The following HSPBAP1 variants were observed in gnomAD, a reference collection of about 807,000 sequenced individuals.
HSPBAP1 encodes the protein HSPB1-associated protein 1.
HSPBAP1 carries 27 observed loss-of-function variants against 45.2 expected under a neutral mutation model. The ratio of observed to expected loss-of-function variants is 0.60; its 90% CI spans 0.44 to 0.82. The LOEUF (loss-of-function observed/expected upper bound fraction) is 0.82, where lower values mean the gene tolerates loss of function less well. Ranked by LOEUF, HSPBAP1 falls within the 40% of genes least tolerant of loss-of-function variation. The pLI is 0.00. For synonymous variants in HSPBAP1, 204 were observed against 202.7 expected, an observed-to-expected ratio of 1.01 and a Z score of -0.06; for missense variants, 510 against 590.9, an observed-to-expected ratio of 0.86 and a Z score of 1.42.
intron 6 of HSPBAP1, among the ~76,000 whole-genome samples, chr3:122,752,160 C>T (rs1934172756): frequency 6.6e-6 from 1 of 152,190 alleles, no homozygotes; most frequent in Non-Finnish European, 1.5e-5. Context: ...AAAGACTCCG[C>T]TTTGAGAATA....
rs1300435563 is a variant in HSPBAP1, at chr3:122,777,924, T to C, written c.65-18A>G. The C allele has an allele frequency of 6.3e-7, 1 of 1,577,280 alleles. No homozygotes were observed. The highest frequency in any genetic ancestry group is 8.7e-7 in the Non-Finnish European group (1 of 1,148,308). Reference sequence around the variant, plus strand: ...ATGTTCACCTAGAAAGAGAAATGAATACAGCAATAGATAGAAAACTATCAA... The same window carrying C: ...ATGTTCACCTAGAAAGAGAAATGAACACAGCAATAGATAGAAAACTATCAA... On this transcript the variant is annotated intron_variant, in intron 1 of 7. Transcript: ENST00000306103.
intron 6 of HSPBAP1, among the ~76,000 whole-genome samples, chr3:122,743,391 AC>A (rs1188556443): frequency 6.6e-6 from 1 of 151,608 alleles, no homozygotes; most frequent in African/African-American, 2.4e-5. Context: ...ACTTGGAGAA[AC>A]CCCGTCTCTA....
chr3:122,771,526 C>T (rs1233345104), intron 2 of HSPBAP1, among the ~76,000 whole-genome samples: 1 of 152,190 alleles, frequency 6.6e-6, no homozygotes, highest in Non-Finnish European at 1.5e-5. Flanking sequence ...AACAGGATAA[C>T]AACTATTTCT....
intron 1 of HSPBAP1, among the ~76,000 whole-genome samples, 154 bp from the exon 2 acceptor site, chr3:122,778,060 T>G (rs1462994166): frequency 7.0e-6 from 1 of 142,502 alleles, no homozygotes; most frequent in African/African-American, 2.5e-5. Context: ...TATATACACA[T>G]GTGGCCTCAA....
intron 6 of HSPBAP1, among the ~76,000 whole-genome samples, chr3:122,746,537 CTG>C (rs1289749197): frequency 6.6e-6 from 1 of 151,748 alleles, no homozygotes; most frequent in Non-Finnish European, 1.5e-5. Flanking sequence ...GGAAAACAAA[CTG>C]TAAAATAAAT....
At chr3:122,770,652 G>C (rs539110576) in intron 2 of HSPBAP1, among the ~76,000 whole-genome samples, 113 of 152,304 alleles carry the variant, frequency 7.4e-4, no homozygotes, top group Middle Eastern at 3.4e-3. Context: ...AGTGAGTAGA[G>C]ATTGTGTCAC....
In HSPBAP1 at chr3:122,740,606, C is replaced by T. The variant is rs188161649; in HGVS notation, c.1206G>A (p.Pro402=). The change falls in exon 8 of 8, where the codon CCG becomes CCA. Residue 402 remains proline (P), a synonymous_variant. Coordinates refer to ENST00000306103, the MANE Select transcript of HSPBAP1 (RefSeq NM_024610.6). ...CAAATATGCCTCCTCTTTCTGAAGGCGGTTCTTCGGACCTCTGTGCTACAG... is the reference window on the plus strand; with the variant it reads ...CAAATATGCCTCCTCTTTCTGAAGGTGGTTCTTCGGACCTCTGTGCTACAG... ...LVPVAQRSEE[P]PSERGGIFGS... 151 of 1,614,164 alleles carry T rather than the reference C, an allele frequency of 9.4e-5. No homozygotes were observed. The East Asian group carries it at 2.3e-3, about 25-fold the overall frequency.
chr3:122,793,139 T>C (rs184290591), intron 1 of HSPBAP1, among the ~76,000 whole-genome samples: 1 of 152,232 alleles, frequency 6.6e-6, no homozygotes, highest in Admixed American at 6.5e-5. Context: ...GGTGCAATCA[T>C]TCAATAAATA....
At chr3:122,777,132 A>T (rs1366738324) in intron 2 of HSPBAP1, among the ~76,000 whole-genome samples, 1 of 152,176 alleles carries the variant, frequency 6.6e-6, no homozygotes, top group Non-Finnish European at 1.5e-5. Context: ...TCAAAATGTT[A>T]TGATTTTGAT....
In HSPBAP1 at chr3:122,740,129, G is replaced by C. The variant is rs550458594; in HGVS notation, c.*216C>G. 64 of 327,632 alleles carry C rather than the reference G, an allele frequency of 2.0e-4. 2 individuals carry two copies. The Admixed American group carries it at 2.2e-3, about 11-fold the overall frequency. 20.3% of individuals were successfully genotyped at this position (327,632 alleles called of 1,614,324 possible). ...GACACAGGCTAAAAGTATGGGATGA[G>C]AGAGGAACAAAAGCTTACAAACAAA... On this transcript the variant is annotated 3_prime_UTR_variant, in exon 8 of 8. Transcript: ENST00000306103.
At chr3:122,758,669 G>C (rs1934442024) in intron 4 of HSPBAP1, 1 of 449,888 alleles carries the variant, frequency 2.2e-6, no homozygotes, top group Non-Finnish European at 4.4e-6. Flanking sequence ...AACTTTGAGA[G>C]GCCAAGGCAG....
At chr3:122,781,357 G>C (rs543670246) in intron 1 of HSPBAP1, among the ~76,000 whole-genome samples, 1 of 152,156 alleles carries the variant, frequency 6.6e-6, no homozygotes, top group South Asian at 2.1e-4. Context: ...GCTGGAGACC[G>C]GCCCGGCCAA....
chr3:122,791,501 GA>G (rs1166366524), intron 1 of HSPBAP1, among the ~76,000 whole-genome samples: 1 of 152,230 alleles, frequency 6.6e-6, no homozygotes, highest in Non-Finnish European at 1.5e-5. Context: ...GGTAGAGAAT[GA>G]AACAGACATA....
chr3:122,755,093 G>A, intron 5 of HSPBAP1, 167 bp downstream of exon 5: 1 of 1,228,996 alleles, frequency 8.1e-7, no homozygotes, highest in Non-Finnish European at 1.0e-6. Context: ...AGGTGTATGT[G>A]TCTGAAGCCT....
chr3:122,761,391 G>T (rs200846800), intron 3 of HSPBAP1: 1 of 152,024 alleles, frequency 6.6e-6, no homozygotes. Flanking sequence ...ATCACTGAAG[G>T]TTTTTCTACA....
At chr3:122,791,185 G>A (rs188945844) in intron 1 of HSPBAP1, among the ~76,000 whole-genome samples, 12 of 152,128 alleles carry the variant, frequency 7.9e-5, no homozygotes, top group Admixed American at 5.2e-4. Context: ...CCCTCCAATC[G>A]GTCTTCTACC....
intron 1 of HSPBAP1, among the ~76,000 whole-genome samples, chr3:122,778,898 T>C (rs1228705017): frequency 6.6e-6 from 1 of 152,178 alleles, no homozygotes; most frequent in South Asian, 2.1e-4. Flanking sequence ...TCCTTCATAG[T>C]TCATTGAAAG....
intron 1 of HSPBAP1, among the ~76,000 whole-genome samples, chr3:122,778,464 C>T (rs542083577): frequency 3.2e-4 from 48 of 151,516 alleles, no homozygotes; most frequent in African/African-American, 1.1e-3. Flanking sequence ...TTTTATTTTC[C>T]AAGGGTATAC....
At position 122,759,351 on chromosome 3, in the gene HSPBAP1, A is replaced by G. The variant is rs1934486045; in HGVS notation, c.442T>C (p.Trp148Arg). Reference sequence around the variant, plus strand: ...CTTCCAGGAAACCCGAAGTCAGACCATTTCACATCCTGTTTTGAAATAAAG... The same window carrying G: ...CTTCCAGGAAACCCGAAGTCAGACCGTTTCACATCCTGTTTTGAAATAAAG... ...DKTDLFQDVK[W>R]SDFGFPGRNG... is the part of the protein sequence containing the mutation. Residue 148 changes from tryptophan to arginine, a missense_variant, in exon 4 of 8, where the codon TGG becomes CGG. Trp to Arg is a moderately radical substitution (Grantham distance 101). Transcript: ENST00000306103. 1 of 1,613,158 alleles carries G rather than the reference A, an allele frequency of 6.2e-7. No individual in the cohort carries two copies. Among genetic ancestry groups the G allele is most frequent in the African/African-American group, 1.3e-5 (1 of 74,894 alleles).
Sources: allele counts gnomAD v4.1 joint callset (sites outside exome capture counted in the v4.1 genomes callset), GRCh38; gene constraint gnomAD v4.1.1; transcripts MANE v1.5; gene names NCBI Gene and HGNC (gene_info 2026-07-23, HGNC 2026-07-21).